CIB4: variants seen among roughly 807,000 people sequenced by gnomAD.
The protein encoded by CIB4 is calcium and integrin-binding family member 4.
In CIB4, 25 loss-of-function variants were observed where a neutral mutation model predicts 25.8. The ratio of observed to expected loss-of-function variants is 0.97; its 90% CI spans 0.71 to 1.35. The LOEUF (loss-of-function observed/expected upper bound fraction) is 1.35, where lower values mean the gene tolerates loss of function less well. CIB4 is among the 40% of genes most tolerant of loss of function. The pLI is 0.00. For missense variants in CIB4, 235 were observed against 228.2 expected, an observed-to-expected ratio of 1.03 and a Z score of -0.19; for synonymous variants, 75 against 81.4, an observed-to-expected ratio of 0.92 and a Z score of 0.42.
chr2:26,613,932 C>T (rs764911889), intron 3 of CIB4, among the ~76,000 whole-genome samples: 3 of 152,224 alleles, frequency 2.0e-5, no homozygotes, highest in East Asian at 3.8e-4. Flanking sequence ...CCGCTGACAC[C>T]GGCAGGCAGG....
intron 3 of CIB4, among the ~76,000 whole-genome samples, chr2:26,608,637 C>T (rs1668939359): frequency 6.6e-6 from 1 of 152,216 alleles, no homozygotes; most frequent in South Asian, 2.1e-4. Flanking sequence ...TGGACAGAGC[C>T]TGCCACCCAA....
intron 4 of CIB4, 60 bp from the exon 5 acceptor site, chr2:26,583,958 T>TCCTCAAGTCCTC: frequency 1.8e-6 from 2 of 1,107,170 alleles, no homozygotes; most frequent in Non-Finnish European, 2.8e-6. Flanking sequence ...GGAAGAGGAC[T>TCCTCAAGTCCTC]TGAGGAGTCC....
chr2:26,617,890 G>T (rs947253081), intron 3 of CIB4, among the ~76,000 whole-genome samples: 2 of 152,176 alleles, frequency 1.3e-5, no homozygotes, highest in African/African-American at 4.8e-5. Flanking sequence ...GTTTCCTCTG[G>T]ACACGGTAGA....
intron 3 of CIB4, among the ~76,000 whole-genome samples, chr2:26,597,380 T>G (rs1226947552): frequency 6.6e-6 from 1 of 151,402 alleles, no homozygotes; most frequent in East Asian, 1.9e-4. Context: ...TTAAGACATA[T>G]AGCCCATGAC....
intron 4 of CIB4, among the ~76,000 whole-genome samples, chr2:26,585,910 C>G (rs986080612): frequency 6.6e-6 from 1 of 152,030 alleles, no homozygotes; most frequent in Non-Finnish European, 1.5e-5. Context: ...ACAGCTGTCC[C>G]CTCCCTAGGA....
intron 3 of CIB4, among the ~76,000 whole-genome samples, chr2:26,621,653 G>C (rs1258750320): frequency 6.6e-6 from 1 of 152,230 alleles, no homozygotes; most frequent in Non-Finnish European, 1.5e-5. Flanking sequence ...AAAGCTACCA[G>C]AGGATGTGCT....
At chr2:26,614,633 G>C (rs772399466) in intron 3 of CIB4, among the ~76,000 whole-genome samples, 1 of 152,128 alleles carries the variant, frequency 6.6e-6, no homozygotes, top group Non-Finnish European at 1.5e-5. Context: ...TCCATCTCCC[G>C]AGCCTCCATT....
intron 3 of CIB4, among the ~76,000 whole-genome samples, chr2:26,612,151 C>T (rs1174434914): frequency 1.3e-5 from 2 of 152,198 alleles, no homozygotes; most frequent in South Asian, 4.1e-4. Context: ...TTCTGCTTCA[C>T]TCTCTGCAGG....
chr2:26,608,443 C>T (rs540354471), intron 3 of CIB4, among the ~76,000 whole-genome samples: 5 of 152,208 alleles, frequency 3.3e-5, no homozygotes, highest in Admixed American at 1.3e-4. Context: ...ATAGACTTTC[C>T]GAGTCAGCAC....
intron 4 of CIB4, 77 bp downstream of exon 4, chr2:26,595,099 C>T (rs572484684): frequency 2.2e-6 from 3 of 1,384,640 alleles, no homozygotes; most frequent in Admixed American, 3.6e-5. Flanking sequence ...CATCAATGAA[C>T]TGATGATGGA....
intron 4 of CIB4, among the ~76,000 whole-genome samples, chr2:26,585,461 C>T (rs1192867199): frequency 6.6e-6 from 1 of 152,092 alleles, no homozygotes; most frequent in African/African-American, 2.4e-5. Flanking sequence ...GCCTTCTCAG[C>T]ACCACTCCCC....
At chr2:26,622,304 T>C (rs1169889271) in intron 3 of CIB4, among the ~76,000 whole-genome samples, 1 of 152,114 alleles carries the variant, frequency 6.6e-6, no homozygotes, top group Non-Finnish European at 1.5e-5. Flanking sequence ...GAGGTTGCAG[T>C]GAGCCGAGAT....
chr2:26,633,209 G>A (rs141732869), intron 2 of CIB4, among the ~76,000 whole-genome samples: 313 of 152,326 alleles, frequency 2.1e-3, no homozygotes, highest in African/African-American at 7.3e-3. Flanking sequence ...CTGCTGAGGG[G>A]CAGAAAAGAA....
chr2:26,630,733 C>T (rs895960487), intron 2 of CIB4, among the ~76,000 whole-genome samples: 1 of 152,142 alleles, frequency 6.6e-6, no homozygotes, highest in African/African-American at 2.4e-5. Context: ...TCCCCCCACA[C>T]ACTCGTGAGG....
At chr2:26,597,161 T>C (rs562696671) in intron 3 of CIB4, among the ~76,000 whole-genome samples, 1 of 152,342 alleles carries the variant, frequency 6.6e-6, no homozygotes, top group Non-Finnish European at 1.5e-5. Context: ...CCTGGAAATA[T>C]AGAAACAGAC....
intron 3 of CIB4, among the ~76,000 whole-genome samples, chr2:26,617,147 T>TGTGTGTGTGTGTGTGCGCGCGC (rs10665609): frequency 5.3e-5 from 8 of 150,412 alleles, no homozygotes; most frequent in South Asian, 2.1e-4. Context: ...TGTGTGTGTG[T>TGTGTGTGTGTGTGTGCGCGCGC]GCACGTGAGC....
intron 3 of CIB4, among the ~76,000 whole-genome samples, chr2:26,598,177 G>A (rs1366244968): frequency 1.3e-5 from 2 of 151,842 alleles, no homozygotes; most frequent in African/African-American, 4.8e-5. Flanking sequence ...GTGCGTGCCT[G>A]CAGTCCCAGC....
chr2:26,590,723 G>T (rs943183598), intron 4 of CIB4, among the ~76,000 whole-genome samples: 1 of 152,212 alleles, frequency 6.6e-6, no homozygotes, highest in East Asian at 1.9e-4. Flanking sequence ...ATTCAGGGTT[G>T]TCTGAGTCTA....
rs1668531530 is a variant in CIB4 at position 26,589,108 on chromosome 2, C to CCTCTTCTTCT, written c.329-5211_329-5210insAGAAGAAGAG. On this transcript the variant is annotated intron_variant, in intron 4 of 6. Transcript: ENST00000288861. ...CTTCTTCTTCTTCTTCTTCTTCTTC[C>CCTCTTCTTCT]TCTTCTTCTTCTTCTTCTTCTTCTT... Among the ~76,000 whole-genome samples, 16 of 67,826 alleles carry CCTCTTCTTCT rather than the reference C, an allele frequency of 2.4e-4. 3 individuals are homozygous for CCTCTTCTTCT. Among genetic ancestry groups the CCTCTTCTTCT allele is most frequent in the African/African-American group, 1.0e-3 (15 of 14,776 alleles). The allele number at this position is 67,826 out of a possible 152,430, so 44.5% of individuals were successfully genotyped here.
Sources: gnomAD v4.1 joint callset for allele counts (sites outside exome capture counted in the v4.1 genomes callset) on GRCh38, gnomAD v4.1.1 for gene constraint, MANE v1.5 for transcripts, NCBI Gene and HGNC (gene_info 2026-07-23, HGNC 2026-07-21) for gene names.